The following CCDC158 variants were observed in gnomAD, a reference collection of about 807,000 sequenced individuals.
The protein encoded by CCDC158 is coiled-coil domain-containing protein 158.
In CCDC158, 116 loss-of-function variants were observed where a neutral mutation model predicts 138.6. The observed-to-expected ratio is 0.84, with a 90% confidence interval of 0.72 to 0.98. The LOEUF is 0.98. Ranked by LOEUF, CCDC158 falls within the 50% of genes least tolerant of loss-of-function variation. The pLI, the probability that CCDC158 is intolerant of heterozygous loss-of-function variation, is 0.00. For missense variants in CCDC158, 1,265 were observed against 1,306.1 expected, an observed-to-expected ratio of 0.97 and a Z score of 0.48; for synonymous variants, 436 against 442.4, an observed-to-expected ratio of 0.99 and a Z score of 0.18.
rs558260165 is a variant in CCDC158, at chr4:76,356,340, T to C, written c.2174-904A>G. 6.7e-5 allele frequency among the ~76,000 whole-genome samples: 10 copies of C among 149,668 alleles called. No individual in the cohort carries two copies. In the East Asian group the frequency reaches 2.0e-3, roughly 29 times the overall value. ...TATGGTCTGATTAAGTGGATCATGG[T>C]TGGCCTTGAAAGGAAATTTTCTAAA... On this transcript the variant is annotated intron_variant, in intron 14 of 24. Transcript: ENST00000682701.
intron 23 of CCDC158, among the ~76,000 whole-genome samples, chr4:76,324,091 GTTAA>G (rs1720295224): frequency 6.6e-6 from 1 of 151,890 alleles, no homozygotes; most frequent in African/African-American, 2.4e-5. Flanking sequence ...ATTTTTAATG[GTTAA>G]TTTTCTTATC....
chr4:76,386,015 A>G (rs137982187), intron 4 of CCDC158, among the ~76,000 whole-genome samples: 95 of 152,372 alleles, frequency 6.2e-4, no homozygotes, highest in African/African-American at 2.2e-3. Flanking sequence ...TTATCAATGA[A>G]GTACGAGTGT....
At chr4:76,341,984 G>A (rs957332567) in intron 18 of CCDC158, among the ~76,000 whole-genome samples, 1 of 152,156 alleles carries the variant, frequency 6.6e-6, no homozygotes, top group African/African-American at 2.4e-5. Flanking sequence ...GCTGTATAAT[G>A]TAGAGAAACA....
intron 11 of CCDC158, 140 bp downstream of exon 11, chr4:76,369,286 G>A: frequency 3.6e-6 from 2 of 553,454 alleles, no homozygotes; most frequent in African/African-American, 1.9e-5. Flanking sequence ...TTCATAAATT[G>A]CTCACAGAAT....
rs748758255 is a variant in CCDC158, at chr4:76,396,431, T to A, written c.126A>T (p.Thr42=). 4 of 1,614,076 alleles carry A rather than the reference T, an allele frequency of 2.5e-6. No individual in the cohort carries two copies. The highest frequency in any genetic ancestry group is 3.4e-6 in the Non-Finnish European group (4 of 1,179,956). ...SSIRGTIIEN[T]SSAGTLTQVP... is the part of the protein sequence containing the mutation. The stretch of plus-strand genomic sequence containing the variant: ...CCTGTGTCAAAGTCCCAGCTGAAGA[T>A]GTGTTTTCAATTATTGTACCACGAA... Residue 42 remains threonine (T), a synonymous_variant, in exon 4 of 25, where the codon ACA becomes ACT. Coordinates refer to ENST00000682701, the MANE Select transcript of CCDC158 (RefSeq NM_001394954.1).
intron 13 of CCDC158, 52 bp from the exon 14 acceptor site, chr4:76,357,578 T>C (rs1723703456): frequency 2.7e-6 from 3 of 1,115,802 alleles, no homozygotes; most frequent in Non-Finnish European, 3.6e-6. Context: ...TATCCCATTG[T>C]TAATTAAGTA....
Position 76,371,514 on chromosome 4 carries a change from A to T in CCDC158, c.1052T>A (p.Leu351Ter). ...AGTTAGCTCTGAGTTGGCAAGGACT[A>T]ACTGCTTTTCCAGCTCTTCTGTCTG... ...EDKTEELEKQ[L>*]VLANSELTEA... The change falls in exon 10 of 25, where the codon TTA (leucine) becomes TAA (stop). Residue 351 changes from leucine (L) to a stop codon, truncating the protein, a stop_gained. Transcript: ENST00000682701. LOFTEE classifies it high-confidence loss of function. The T allele has an allele frequency of 6.2e-7, 1 of 1,614,180 alleles. No individual in the cohort carries two copies. The highest frequency in any genetic ancestry group is 8.5e-7 in the Non-Finnish European group (1 of 1,180,000).
chr4:76,322,134 C>G (rs1234623912), intron 24 of CCDC158, among the ~76,000 whole-genome samples: 1 of 151,958 alleles, frequency 6.6e-6, no homozygotes, highest in East Asian at 1.9e-4. Flanking sequence ...TCCCCCCAAA[C>G]TATTGAAATT....
At chr4:76,382,140 T>C (rs112601692) in intron 8 of CCDC158, among the ~76,000 whole-genome samples, 4,468 of 152,234 alleles carry the variant, frequency 0.029, 216 homozygotes, top group African/African-American at 0.1. Flanking sequence ...TGAGTTCTCA[T>C]GAGATCTGAT....
chr4:76,313,277 CAA>C (rs766562650), intron 24 of CCDC158, 31 bp from the exon 25 acceptor site: 1 of 1,375,372 alleles, frequency 7.3e-7, no homozygotes, highest in East Asian at 2.3e-5. Flanking sequence ...GTTAGAATAA[CAA>C]AATCTACTTA....
At chr4:76,342,976 A>G (rs916265021) in intron 18 of CCDC158, among the ~76,000 whole-genome samples, 4 of 152,194 alleles carry the variant, frequency 2.6e-5, no homozygotes, top group Admixed American at 2.6e-4. Context: ...AGCTGTCTCC[A>G]TATACTCAGG....
At chr4:76,416,600 C>G (rs1240883950) in intron 1 of CCDC158, among the ~76,000 whole-genome samples, 1 of 152,206 alleles carries the variant, frequency 6.6e-6, no homozygotes, top group East Asian at 1.9e-4. Flanking sequence ...TGTGTGCAGC[C>G]TAGGGACTTC....
chr4:76,399,351 G>A (rs1728127288), intron 3 of CCDC158, among the ~76,000 whole-genome samples: 5 of 152,146 alleles, frequency 3.3e-5, no homozygotes. Flanking sequence ...CATGGCTAAT[G>A]CATACGGGCT....
intron 18 of CCDC158, 118 bp downstream of exon 18, chr4:76,350,878 T>A: frequency 2.3e-6 from 2 of 866,006 alleles, no homozygotes; most frequent in Admixed American, 6.4e-5. Flanking sequence ...AAATCTAAAA[T>A]CTAGTAATTG....
chr4:76,313,202 C>G lies in CCDC158; in HGVS notation c.3322G>C (p.Val1108Leu), dbSNP rs1578833488. Reference sequence around the variant, plus strand: ...AGTAACATTTTTTCCTGGTCTTTTACTTTCTGTATCCTCTTTTCTTGATTT... The same window carrying G: ...AGTAACATTTTTTCCTGGTCTTTTAGTTTCTGTATCCTCTTTTCTTGATTT... ...IRNQEKRIQK[V>L]KDQEKMLLK The change falls in exon 25 of 25, where the codon GTA (valine) becomes CTA (leucine). Residue 1108 changes from valine to leucine, a missense_variant. Transcript: ENST00000682701. 5 of 1,608,814 alleles carry G rather than the reference C, an allele frequency of 3.1e-6. No individual in the cohort carries two copies. In the East Asian group the frequency reaches 1.1e-4, roughly 36 times the overall value.
intron 18 of CCDC158, among the ~76,000 whole-genome samples, chr4:76,349,208 T>A (rs867737394): frequency 6.6e-6 from 1 of 152,252 alleles, no homozygotes; most frequent in African/African-American, 2.4e-5. Flanking sequence ...GACACTGTTA[T>A]AGGTACTTGG....
chr4:76,317,483 T>C (rs1037948212), intron 24 of CCDC158, among the ~76,000 whole-genome samples: 3 of 152,050 alleles, frequency 2.0e-5, no homozygotes, highest in Non-Finnish European at 4.4e-5. Flanking sequence ...ATTTATAAAA[T>C]GATTACTACT....
chr4:76,414,771 T>C (rs28822176), intron 1 of CCDC158, among the ~76,000 whole-genome samples: 4,452 of 152,294 alleles, frequency 0.029, 218 homozygotes, highest in African/African-American at 0.1. Context: ...AAGTGCCTTT[T>C]GCCTCCTTCA....
chr4:76,383,336 C>T (rs141776382), intron 7 of CCDC158, among the ~76,000 whole-genome samples: 30 of 152,210 alleles, frequency 2.0e-4, no homozygotes, highest in African/African-American at 7.2e-4. Flanking sequence ...CTCTTGATGC[C>T]TTTTCTCAGT....
Sources: allele counts gnomAD v4.1 joint callset (sites outside exome capture counted in the v4.1 genomes callset), GRCh38; gene constraint gnomAD v4.1.1; transcripts MANE v1.5; gene names NCBI Gene and HGNC (gene_info 2026-07-23, HGNC 2026-07-21).